The following DLG2 variants were observed in gnomAD, a reference collection of about 807,000 sequenced individuals.
The protein encoded by DLG2 is disks large homolog 2.
Under a neutral mutation model 132.5 loss-of-function variants are expected in DLG2, and 45 were observed. That is an observed-to-expected ratio of 0.34 (90% CI 0.27 to 0.44). The LOEUF (loss-of-function observed/expected upper bound fraction) is 0.44, where lower values mean the gene tolerates loss of function less well. Among genes scored for constraint, DLG2 ranks in the 20% least tolerant of loss-of-function variants. The pLI is 1.00. For synonymous variants in DLG2, 424 were observed against 419.6 expected, an observed-to-expected ratio of 1.01 and a Z score of -0.13; for missense variants, 1,045 against 1,196.9, an observed-to-expected ratio of 0.87 and a Z score of 1.87.
intron 11 of DLG2, among the ~76,000 whole-genome samples, chr11:84,031,576 C>G (rs1371790784): frequency 3.3e-5 from 5 of 152,144 alleles, no homozygotes; most frequent in African/African-American, 1.2e-4. Flanking sequence ...ATTCAGTAAA[C>G]TAGGTATGAA....
At chr11:84,695,374 G>A (rs1359634389) in intron 6 of DLG2, among the ~76,000 whole-genome samples, 1 of 151,506 alleles carries the variant, frequency 6.6e-6, no homozygotes, top group African/African-American at 2.4e-5. Context: ...ACACAACATT[G>A]GAAGCACCTC....
intron 8 of DLG2, among the ~76,000 whole-genome samples, chr11:84,239,859 T>A (rs943997303): frequency 1.3e-5 from 2 of 152,218 alleles, no homozygotes; most frequent in Non-Finnish European, 2.9e-5. Context: ...TGCTTCAGCA[T>A]CCCCTGGGCA....
chr11:84,848,788 G>A (rs538212336), intron 6 of DLG2, among the ~76,000 whole-genome samples: 11 of 152,290 alleles, frequency 7.2e-5, no homozygotes, highest in South Asian at 2.1e-4. Flanking sequence ...GAAGGGACAT[G>A]GGTCACTTGG....
intron 8 of DLG2, among the ~76,000 whole-genome samples, chr11:84,184,833 T>C (rs1294810471): frequency 2.6e-5 from 4 of 152,146 alleles, no homozygotes; most frequent in African/African-American, 9.7e-5. Context: ...AGGGAATCCT[T>C]TCCCCATTGC....
At chr11:84,266,508 T>A (rs548990516) in intron 7 of DLG2, among the ~76,000 whole-genome samples, 23 of 152,254 alleles carry the variant, frequency 1.5e-4, no homozygotes, top group Non-Finnish European at 2.9e-4. Flanking sequence ...GACTAAAAAT[T>A]GGGGTATTAC....
At chr11:84,944,681 C>T (rs555424014) in intron 6 of DLG2, among the ~76,000 whole-genome samples, 5 of 149,740 alleles carry the variant, frequency 3.3e-5, no homozygotes, top group East Asian at 2.0e-4. Flanking sequence ...CTCGGCTCAC[C>T]GCAACCTCTA....
At chr11:84,762,122 T>A (rs1353618508) in intron 6 of DLG2, 2 of 152,164 alleles carry the variant, frequency 1.3e-5, no homozygotes, top group Non-Finnish European at 2.9e-5. Context: ...AACATCATAT[T>A]TGAAAACAAG....
rs553633515 is a variant in DLG2, at chr11:85,017,587, C to T, written c.357+94074G>A. Among the ~76,000 whole-genome samples, 4 of 152,288 alleles carry T rather than the reference C, an allele frequency of 2.6e-5. No homozygotes were observed. The South Asian group carries it at 8.3e-4, about 32-fold the overall frequency. ...ATTTCTAGAGGCTTCCGCCTTTATG[C>T]TATCACTAACCGGAATTACTCTTAA... On this transcript the variant is annotated intron_variant, in intron 6 of 27. Coordinates refer to ENST00000376104, the MANE Select transcript of DLG2 (RefSeq NM_001142699.3).
At chr11:83,710,047 C>G (rs997431334) in intron 18 of DLG2, among the ~76,000 whole-genome samples, 1 of 152,036 alleles carries the variant, frequency 6.6e-6, no homozygotes, top group African/African-American at 2.4e-5. Flanking sequence ...AAATAGGGTG[C>G]CTGGGATCAT....
chr11:84,808,199 G>C (rs2076204805), intron 6 of DLG2, among the ~76,000 whole-genome samples: 1 of 151,964 alleles, frequency 6.6e-6, no homozygotes, highest in Non-Finnish European at 1.5e-5. Flanking sequence ...ATCTCCAAGT[G>C]CTTGGAAACT....
At chr11:84,399,959 G>A (rs2098823995) in intron 7 of DLG2, among the ~76,000 whole-genome samples, 2 of 152,146 alleles carry the variant, frequency 1.3e-5, no homozygotes, top group Admixed American at 6.5e-5. Context: ...GAAATATTTT[G>A]TTCCTTGCCT....
At chr11:85,566,584 T>C (rs1375654404) in intron 3 of DLG2, among the ~76,000 whole-genome samples, 2 of 152,084 alleles carry the variant, frequency 1.3e-5, no homozygotes, top group East Asian at 3.9e-4. Context: ...TGACTTATCA[T>C]TATATATTCA....
At chr11:84,357,142 C>T (rs1008310670) in intron 7 of DLG2, among the ~76,000 whole-genome samples, 14 of 151,982 alleles carry the variant, frequency 9.2e-5, no homozygotes, top group African/African-American at 3.4e-4. Context: ...GGGCTATGAG[C>T]CGAGACAGCA....
chr11:85,064,238 A>T (rs1422972664), intron 6 of DLG2, among the ~76,000 whole-genome samples: 1 of 151,856 alleles, frequency 6.6e-6, no homozygotes, highest in East Asian at 1.9e-4. Flanking sequence ...TATATTATAA[A>T]AACATTTTAT....
In DLG2 at chr11:83,833,747, T is replaced by C. The variant is rs1728781359; in HGVS notation, c.1589A>G (p.His530Arg). 1 of 1,613,902 alleles carries C rather than the reference T, an allele frequency of 6.2e-7. No homozygotes were observed. The highest frequency in any genetic ancestry group is 1.1e-5 in the South Asian group (1 of 91,068). ...LEGEPRKVVL[H>R]KGSTGLGFNI... ...GAAGCCCAGGCCAGTGGAGCCTTTG[T>C]GCAGGACTACCTTGCGAGGCTCTCT... Residue 530 changes from histidine to arginine, a missense_variant, in exon 17 of 28, where the codon CAC becomes CGC. Transcript: ENST00000376104.
intron 10 of DLG2, among the ~76,000 whole-genome samples, chr11:84,061,378 T>C (rs912978140): frequency 9.9e-5 from 15 of 152,220 alleles, no homozygotes; most frequent in African/African-American, 3.6e-4. Context: ...TGATTTATAA[T>C]ATTCTCAACT....
chr11:83,927,270 T>G (rs976722592), intron 15 of DLG2, among the ~76,000 whole-genome samples: 1 of 152,126 alleles, frequency 6.6e-6, no homozygotes, highest in African/African-American at 2.4e-5. Flanking sequence ...TTCCACTCAT[T>G]GCGCTTACAG....
At chr11:85,216,773 G>A (rs531906087) in intron 4 of DLG2, among the ~76,000 whole-genome samples, 4 of 151,738 alleles carry the variant, frequency 2.6e-5, no homozygotes, top group South Asian at 2.1e-4. Context: ...CTTGGCTCAC[G>A]GCAACCTCCA....
intron 6 of DLG2, among the ~76,000 whole-genome samples, chr11:84,752,182 C>T (rs2066209505): frequency 6.6e-6 from 1 of 152,182 alleles, no homozygotes; most frequent in Non-Finnish European, 1.5e-5. Flanking sequence ...GCTTTCTAGC[C>T]TTGGATCACT....
Sources: gnomAD v4.1 joint callset for allele counts (sites outside exome capture counted in the v4.1 genomes callset) on GRCh38, gnomAD v4.1.1 for gene constraint, MANE v1.5 for transcripts, NCBI Gene and HGNC (gene_info 2026-07-23, HGNC 2026-07-21) for gene names.